NOL4: variants seen among roughly 807,000 people sequenced by gnomAD.
NOL4 encodes nucleolar protein 4.
NOL4 carries 17 observed loss-of-function variants against 75.9 expected under a neutral mutation model. The ratio of observed to expected loss-of-function variants is 0.22; its 90% CI spans 0.15 to 0.34. The LOEUF (loss-of-function observed/expected upper bound fraction) is 0.34, where lower values mean the gene tolerates loss of function less well. NOL4 is among the 10% of genes least tolerant of loss of function. The probability of loss-of-function intolerance (pLI) is 1.00; values close to 1 mark genes in which losing one functional copy is unlikely to be tolerated. For synonymous variants in NOL4, 292 were observed against 289.9 expected (o/e 1.01, Z -0.07); for missense variants, 614 against 793.5 (o/e 0.77, Z 2.72).
chr18:33,926,483 C>T (rs531038034), intron 9 of NOL4, among the ~76,000 whole-genome samples: 19 of 149,732 alleles, frequency 1.3e-4, no homozygotes, highest in African/African-American at 3.9e-4. Flanking sequence ...CTTCTGAAAA[C>T]AATCTCTTCC....
At chr18:33,942,551 G>T (rs2068564187) in intron 9 of NOL4, among the ~76,000 whole-genome samples, 1 of 151,836 alleles carries the variant, frequency 6.6e-6, no homozygotes, top group East Asian at 1.9e-4. Flanking sequence ...ATTAATGAGA[G>T]ATTAAGTCTA....
At position 34,104,179 on chromosome 18, in the gene NOL4, A is replaced by T. The variant is rs781372695; in HGVS notation, c.527-20T>A. On this transcript the variant is annotated intron_variant, in intron 3 of 10. Transcript: ENST00000261592. ...CATTATCTGTAATAAAACATTTTTA[A>T]TGGGTAATGAAAGTAATACTGCATT... 7.1e-7 allele frequency: 1 copy of T among 1,413,654 alleles called. No homozygotes were observed. Among genetic ancestry groups the T allele is most frequent in the East Asian group, 2.3e-5 (1 of 43,840 alleles). 87.6% of individuals were successfully genotyped at this position (1,413,654 alleles called of 1,614,324 possible). A position where few individuals can be genotyped will look rare whatever the true frequency, so the allele number is the denominator to read the frequency against.
chr18:34,170,283 T>C (rs1182879348), intron 1 of NOL4, among the ~76,000 whole-genome samples: 2 of 152,140 alleles, frequency 1.3e-5, no homozygotes, highest in East Asian at 3.9e-4. Flanking sequence ...GTTGAAGCGA[T>C]TCTCCTGCCT....
At chr18:34,193,820 A>G (rs1011469572) in intron 1 of NOL4, among the ~76,000 whole-genome samples, 1 of 152,216 alleles carries the variant, frequency 6.6e-6, no homozygotes, top group African/African-American at 2.4e-5. Context: ...TAGCCAAGAT[A>G]TAGAATCAAC....
chr18:34,154,689 T>C (rs2030023164), intron 1 of NOL4, among the ~76,000 whole-genome samples: 1 of 151,962 alleles, frequency 6.6e-6, no homozygotes, highest in Non-Finnish European at 1.5e-5. Context: ...TCATATACTA[T>C]TGCTATATAT....
At chr18:34,000,370 T>C (rs1036680512) in intron 6 of NOL4, among the ~76,000 whole-genome samples, 3 of 152,134 alleles carry the variant, frequency 2.0e-5, no homozygotes, top group Admixed American at 6.5e-5. Context: ...TATACCACGA[T>C]TCAACACTCT....
At chr18:34,035,756 G>T (rs1278725575) in intron 5 of NOL4, among the ~76,000 whole-genome samples, 3 of 149,694 alleles carry the variant, frequency 2.0e-5, no homozygotes, top group African/African-American at 7.4e-5. Context: ...GAAGATAGAA[G>T]ACTCAAATTA....
intron 10 of NOL4, among the ~76,000 whole-genome samples, chr18:33,874,013 G>A (rs1157520094): frequency 6.6e-6 from 1 of 151,896 alleles, no homozygotes; most frequent in Non-Finnish European, 1.5e-5. Context: ...CGGGGATGAA[G>A]AATTCATTTT....
chr18:34,083,117 T>G (rs906380498), intron 5 of NOL4, among the ~76,000 whole-genome samples: 1 of 152,164 alleles, frequency 6.6e-6, no homozygotes, highest in Admixed American at 6.5e-5. Context: ...TATATACACA[T>G]ACCCATACAT....
chr18:34,183,256 CAAATA>C (rs145311055), intron 1 of NOL4, among the ~76,000 whole-genome samples: 6,489 of 151,790 alleles, frequency 0.043, 216 homozygotes, highest in South Asian at 0.12. Flanking sequence ...AACACTTCAC[CAAATA>C]AAATATGTGG....
intron 1 of NOL4, among the ~76,000 whole-genome samples, chr18:34,137,858 A>T (rs959570517): frequency 6.6e-6 from 1 of 151,932 alleles, no homozygotes; most frequent in Non-Finnish European, 1.5e-5. Flanking sequence ...CCCAAAATAT[A>T]TTATACATGA....
intron 5 of NOL4, among the ~76,000 whole-genome samples, chr18:34,088,289 A>G (rs978272094): frequency 6.6e-6 from 1 of 152,086 alleles, no homozygotes; most frequent in South Asian, 2.1e-4. Context: ...ATAACCCCAG[A>G]CAAGGAATGA....
Position 33,912,118 on chromosome 18 carries a change from G to A in NOL4, c.1543-28694C>T, listed in dbSNP as rs143664591. On this transcript the variant is annotated intron_variant, in intron 9 of 10. Transcript: ENST00000261592. ...TTCAGTTCTTAGACTTTCCAGAGTC[G>A]ACAGAGACTGAGTGGCTTCTAATTG... Among the ~76,000 whole-genome samples, 21 of 152,070 alleles carry A rather than the reference G, an allele frequency of 1.4e-4. No homozygotes were observed. The East Asian group carries it at 3.7e-3, about 27-fold the overall frequency.
intron 6 of NOL4, among the ~76,000 whole-genome samples, chr18:33,966,667 C>T (rs552654544): frequency 6.6e-6 from 1 of 151,900 alleles, no homozygotes; most frequent in African/African-American, 2.4e-5. Context: ...AGCTGAGAAC[C>T]AAATCAACAA....
At chr18:34,092,439 A>G (rs1184058819) in intron 5 of NOL4, among the ~76,000 whole-genome samples, 1 of 152,166 alleles carries the variant, frequency 6.6e-6, no homozygotes, top group Non-Finnish European at 1.5e-5. Context: ...CTGAAGTGAG[A>G]AAAAGAAAAG....
At chr18:33,882,159 T>C (rs1395273888) in intron 10 of NOL4, among the ~76,000 whole-genome samples, 2 of 152,228 alleles carry the variant, frequency 1.3e-5, no homozygotes, top group South Asian at 2.1e-4. Context: ...GGACTTCATG[T>C]CTAAAACACC....
chr18:33,944,646 A>G (rs921557), intron 8 of NOL4, among the ~76,000 whole-genome samples: 50,907 of 151,654 alleles, frequency 0.34, 9,537 homozygotes, highest in East Asian at 0.75. Flanking sequence ...CATTTTTGCA[A>G]AAAAGAAGAA....
chr18:33,862,333 G>T (rs564722307), intron 10 of NOL4, among the ~76,000 whole-genome samples: 3 of 152,190 alleles, frequency 2.0e-5, no homozygotes, highest in Non-Finnish European at 4.4e-5. Context: ...GAAAACACAG[G>T]CATTACCATT....
At chr18:33,892,579 A>G (rs1176379899) in intron 9 of NOL4, among the ~76,000 whole-genome samples, 4 of 152,180 alleles carry the variant, frequency 2.6e-5, no homozygotes. Flanking sequence ...AAGGCTTCAC[A>G]TCATTACAAG....
Sources: gnomAD v4.1 joint callset for allele counts (sites outside exome capture counted in the v4.1 genomes callset) on GRCh38, gnomAD v4.1.1 for gene constraint, MANE v1.5 for transcripts, NCBI Gene and HGNC (gene_info 2026-07-23, HGNC 2026-07-21) for gene names.